The following NTRK2 variants were observed in gnomAD, a reference collection of about 807,000 sequenced individuals.
NTRK2 encodes the protein BDNF/NT-3 growth factors receptor.
A neutral mutation model predicts 94.5 loss-of-function variants in NTRK2; 13 were observed. The observed-to-expected ratio is 0.14, with a 90% CI of 0.09 to 0.22. The LOEUF (loss-of-function observed/expected upper bound fraction) is 0.22, where lower values mean the gene tolerates loss of function less well. NTRK2 is among the 10% of genes least tolerant of loss of function. The probability of loss-of-function intolerance (pLI) is 1.00; values close to 1 mark genes in which losing one functional copy is unlikely to be tolerated. For missense variants in NTRK2, 639 were observed against 1,071.2 expected, an observed-to-expected ratio of 0.60 and a Z score of 5.63; for synonymous variants, 372 against 407.4, an observed-to-expected ratio of 0.91 and a Z score of 1.05.
intron 2 of NTRK2, among the ~76,000 whole-genome samples, chr9:84,697,902 T>G (rs1423946106): frequency 6.6e-6 from 1 of 152,188 alleles, no homozygotes; most frequent in Non-Finnish European, 1.5e-5. Flanking sequence ...GTATGGTTGT[T>G]GCAGTCTCTG....
At chr9:84,823,839 G>T (rs897875703) in intron 12 of NTRK2, among the ~76,000 whole-genome samples, 1 of 152,202 alleles carries the variant, frequency 6.6e-6, no homozygotes, top group South Asian at 2.1e-4. Context: ...CTTTCTGGCT[G>T]GACATTCTGC....
In NTRK2 at chr9:84,874,621, A is replaced by G. The variant is rs1337179188; in HGVS notation, c.1633+7190A>G. The G allele has an allele frequency of 1.2e-5, 13 of 1,061,798 alleles. No individual in the cohort carries two copies. The East Asian group carries it at 3.0e-4, about 25-fold the overall frequency. 65.8% of individuals were successfully genotyped at this position (1,061,798 alleles called of 1,614,324 possible). On this transcript the variant is annotated intron_variant, in intron 14 of 18. Transcript: ENST00000277120. ...ACACTTTCTCTAACCCACGGCCAGG[A>G]AGGAAATGGGGAGAGAGCTACTTCT...
At chr9:84,747,468 T>C (rs1368569359) in intron 11 of NTRK2, among the ~76,000 whole-genome samples, 1 of 151,418 alleles carries the variant, frequency 6.6e-6, no homozygotes, top group Non-Finnish European at 1.5e-5. Flanking sequence ...ACTTTAGTTT[T>C]CTGGGTTTTT....
intron 2 of NTRK2, among the ~76,000 whole-genome samples, chr9:84,678,309 A>AG (rs1442447475): frequency 6.6e-6 from 1 of 152,188 alleles, no homozygotes; most frequent in Admixed American, 6.5e-5. Context: ...CTGTTAGCCG[A>AG]CCTGGTCACT....
rs1588757745 is a variant in NTRK2 at position 84,810,643 on chromosome 9, G to A, written c.1397-50397G>A. ...CTTGTTGGTTGATGCTGCCATGTAA[G>A]CTGGACTCCTGGGACTGCTGTTGGC... On this transcript the variant is annotated intron_variant, in intron 12 of 18. Transcript: ENST00000277120. 3.7e-6 allele frequency: 6 copies of A among 1,612,608 alleles called. No individual in the cohort carries two copies. In the East Asian group the frequency reaches 1.3e-4, roughly 36 times the overall value.
intron 12 of NTRK2, among the ~76,000 whole-genome samples, chr9:84,817,372 A>T (rs1408396361): frequency 4.6e-5 from 7 of 152,222 alleles, no homozygotes; most frequent in African/African-American, 7.2e-5. Context: ...AGGAGTTATT[A>T]GGATTCTGCT....
At chr9:84,865,035 G>A (rs1048352546) in intron 13 of NTRK2, among the ~76,000 whole-genome samples, 12 of 152,034 alleles carry the variant, frequency 7.9e-5, no homozygotes, top group Admixed American at 3.3e-4. Flanking sequence ...CACCATGCCC[G>A]GCCAACACAT....
chr9:84,829,997 A>C (rs2073432577), intron 12 of NTRK2, among the ~76,000 whole-genome samples: 1 of 152,208 alleles, frequency 6.6e-6, no homozygotes, highest in Non-Finnish European at 1.5e-5. Context: ...TGTGGGTATT[A>C]CTGCACCAGA....
intron 12 of NTRK2, among the ~76,000 whole-genome samples, chr9:84,782,037 A>AACACACACACACACACACACACAC (rs58851217): frequency 6.7e-6 from 1 of 149,550 alleles, no homozygotes; most frequent in Non-Finnish European, 1.5e-5. Flanking sequence ...CCTCCAAGAA[A>AACACACACACACACACACACACAC]ACACACACAC....
intron 12 of NTRK2, among the ~76,000 whole-genome samples, chr9:84,777,211 C>A (rs1311039924): frequency 6.6e-6 from 1 of 152,176 alleles, no homozygotes; most frequent in Non-Finnish European, 1.5e-5. Flanking sequence ...TCACTGGTAG[C>A]TCTTCCTAGT....
intron 2 of NTRK2, among the ~76,000 whole-genome samples, chr9:84,693,387 G>C (rs1225632401): frequency 6.6e-6 from 1 of 151,938 alleles, no homozygotes; most frequent in African/African-American, 2.4e-5. Flanking sequence ...CATAAATTTT[G>C]GTGGTCCCTG....
chr9:84,790,877 G>A (rs928336215), intron 12 of NTRK2, among the ~76,000 whole-genome samples: 11 of 152,166 alleles, frequency 7.2e-5, no homozygotes, highest in African/African-American at 1.7e-4. Context: ...TGGCTATAAC[G>A]TGGATTTTAA....
intron 17 of NTRK2, among the ~76,000 whole-genome samples, chr9:84,965,513 C>A (rs1303573152): frequency 6.6e-6 from 1 of 152,060 alleles, no homozygotes; most frequent in Non-Finnish European, 1.5e-5. Flanking sequence ...TGAGGTGGGC[C>A]TTAAAGGATA....
At chr9:84,822,648 G>C (rs938720155) in intron 12 of NTRK2, among the ~76,000 whole-genome samples, 1 of 152,154 alleles carries the variant, frequency 6.6e-6, no homozygotes. Flanking sequence ...AAGCACCCTC[G>C]ACTGCCGTTC....
intron 12 of NTRK2, among the ~76,000 whole-genome samples, chr9:84,846,187 A>G (rs1354461910): frequency 6.6e-6 from 1 of 152,242 alleles, no homozygotes; most frequent in African/African-American, 2.4e-5. Flanking sequence ...ATTCTTGGCT[A>G]ACAATAATTT....
At chr9:84,876,818 G>A in intron 14 of NTRK2, 12 of 1,062,382 alleles carry the variant, frequency 1.1e-5, no homozygotes, top group Non-Finnish European at 1.4e-5. Context: ...TCTTTTCCAA[G>A]TGCTGTCAGA....
chr9:84,880,499 G>T (rs1423826066), intron 14 of NTRK2, among the ~76,000 whole-genome samples: 3 of 152,162 alleles, frequency 2.0e-5, no homozygotes, highest in Non-Finnish European at 4.4e-5. Context: ...CCATTCAAAG[G>T]TCCATGTTTC....
intron 14 of NTRK2, chr9:84,874,983 A>C: frequency 9.5e-7 from 1 of 1,054,884 alleles, no homozygotes; most frequent in Non-Finnish European, 1.1e-6. Flanking sequence ...ATTTTAAAAT[A>C]AGAATAAATA....
chr9:84,844,011 T>C (rs1385042475), intron 12 of NTRK2, among the ~76,000 whole-genome samples: 2 of 152,206 alleles, frequency 1.3e-5, no homozygotes, highest in Non-Finnish European at 2.9e-5. Flanking sequence ...CAATCACTAC[T>C]GCAGTTGCTA....
Sources: gnomAD v4.1 joint callset for allele counts (sites outside exome capture counted in the v4.1 genomes callset) on GRCh38, gnomAD v4.1.1 for gene constraint, MANE v1.5 for transcripts, NCBI Gene and HGNC (gene_info 2026-07-23, HGNC 2026-07-21) for gene names.